Variants in LSS observed in about 807,000 individuals in gnomAD.
The protein encoded by LSS is 2,3-epoxysqualene-lanosterol cyclase.
In LSS, 90 loss-of-function variants were observed where a neutral mutation model predicts 110.3. The ratio of observed to expected loss-of-function variants is 0.82; its 90% confidence interval spans 0.69 to 0.97. The LOEUF (loss-of-function observed/expected upper bound fraction) is 0.97, where lower values mean the gene tolerates loss of function less well. LSS is among the 50% of genes least tolerant of loss of function. LSS has a pLI of 0.00. For missense variants in LSS, 927 were observed against 990.0 expected (o/e 0.94, Z 0.85); for synonymous variants, 433 against 400.0 (o/e 1.08, Z -0.98).
chr21:46,195,726 G>C lies in LSS; in HGVS notation c.1767C>G (p.Thr589=). 6 of 1,613,860 alleles carry C rather than the reference G, an allele frequency of 3.7e-6. No individual in the cohort carries two copies. The highest frequency in any genetic ancestry group is 5.1e-6 in the Non-Finnish European group (6 of 1,180,030). ...AGGCGAAGGCCTCCAGGCCAAACCA[G>C]GTGCCGTAGGTGAAGCAAACTCCCC... is the stretch of plus-strand genomic sequence containing the variant. ...GSWGVCFTYG[T]WFGLEAFACM... is the part of the protein sequence containing the mutation. The change falls in exon 19 of 22, where the codon ACC becomes ACG. Residue 589 remains threonine (T), a synonymous_variant. Transcript: ENST00000397728.
In LSS at chr21:46,215,144, A is replaced by C. The variant is rs768557020; in HGVS notation, c.1011+36T>G. 3 of 1,564,996 alleles carry C rather than the reference A, an allele frequency of 1.9e-6. No homozygotes were observed. In the African/African-American group the frequency reaches 4.1e-5, roughly 21 times the overall value. On this transcript the variant is annotated intron_variant, in intron 9 of 21. Transcript: ENST00000397728. ...ACTTCACTTTCGGACCTCAACCCCC[A>C]GGGGCTGCAGTCAGAGGCCGGGCAG... is the stretch of plus-strand genomic sequence containing the variant.
chr21:46,199,190 A>C (rs753795896), intron 17 of LSS, among the ~76,000 whole-genome samples: 13 of 152,248 alleles, frequency 8.5e-5, no homozygotes, highest in Non-Finnish European at 1.6e-4. Flanking sequence ...AACAATAAGA[A>C]AATTTAATTT....
chr21:46,228,002 C>T (rs970610400), intron 2 of LSS, among the ~76,000 whole-genome samples: 18 of 152,188 alleles, frequency 1.2e-4, no homozygotes, highest in Non-Finnish European at 1.6e-4. Context: ...GCCTGGGACT[C>T]GGGCCTCTCA....
intron 13 of LSS, among the ~76,000 whole-genome samples, chr21:46,208,719 C>T (rs1008821411): frequency 2.0e-5 from 3 of 152,116 alleles, no homozygotes; most frequent in Non-Finnish European, 2.9e-5. Flanking sequence ...CCTGGAGTGC[C>T]GTAGGGTTCA....
chr21:46,203,801 A>G (rs1208910192), intron 17 of LSS, among the ~76,000 whole-genome samples: 2 of 152,200 alleles, frequency 1.3e-5, no homozygotes, highest in African/African-American at 2.4e-5. Flanking sequence ...GAAGCAGCAT[A>G]CTCCCACATA....
chr21:46,194,571 G>C lies in LSS; in HGVS notation c.1908C>G (p.Cys636Trp), dbSNP rs770659135. The change falls in exon 20 of 22, where the codon TGC (cysteine) becomes TGG (tryptophan). Residue 636 changes from cysteine to tryptophan, a missense_variant. Cys to Trp is a radical substitution (Grantham distance 215, BLOSUM62 -2). Coordinates refer to ENST00000397728, the MANE Select transcript of LSS (RefSeq NM_002340.6). ...CACTCTGCAAATAACGCCGCTCCTC[G>C]CAGGACTCAAAGTCCTCCCCCCAGC... ...DGGWGEDFES[C>W]EERRYLQSAQ... 1.9e-6 allele frequency: 3 copies of C among 1,613,546 alleles called. No individual in the cohort carries two copies. The African/African-American group carries it at 4.0e-5, about 22-fold the overall frequency.
At chr21:46,196,358 G>A in intron 17 of LSS, 91 bp from the exon 18 acceptor site, 1 of 1,046,408 alleles carries the variant, frequency 9.6e-7, no homozygotes, top group South Asian at 1.3e-5. Flanking sequence ...AAAAGAATGA[G>A]AATGGTCTCC....
intron 17 of LSS, among the ~76,000 whole-genome samples, chr21:46,200,711 G>C (rs2079967710): frequency 6.6e-6 from 1 of 152,202 alleles, no homozygotes; most frequent in Non-Finnish European, 1.5e-5. Context: ...CATGTGCACA[G>C]TGAGAAGGGT....
intron 17 of LSS, among the ~76,000 whole-genome samples, chr21:46,201,463 G>C (rs111773777): frequency 4.6e-4 from 5 of 10,880 alleles, no homozygotes; most frequent in Non-Finnish European, 3.4e-4. Flanking sequence ...ATGAAGCCCT[G>C]AGGGTAGAGC....
At position 46,189,414 on chromosome 21, in the gene LSS, C is replaced by G. The variant is rs1454598934; in HGVS notation, c.*1690G>C. 1 of 321,996 alleles carries G rather than the reference C, an allele frequency of 3.1e-6. No homozygotes were observed. The highest frequency in any genetic ancestry group is 9.3e-5 in the East Asian group (1 of 10,788). The allele number at this position is 321,996 out of a possible 1,614,324, so 19.9% of individuals were successfully genotyped here. A position where few individuals can be genotyped will look rare whatever the true frequency, so the allele number is the denominator to read the frequency against. On this transcript the variant is annotated 3_prime_UTR_variant, in exon 22 of 22. Coordinates refer to ENST00000397728, the MANE Select transcript of LSS (RefSeq NM_002340.6). The stretch of plus-strand genomic sequence containing the variant: ...AAGGGTCCCAACACAGTTCCTTCAG[C>G]GAAAATAAAGCCCAGTTTTAAGATG...
chr21:46,214,017 T>C lies in LSS; in HGVS notation c.1012-182A>G, dbSNP rs1218846434. Reference sequence around the variant, plus strand: ...TGAGCGAGGATGGGCAACAACTGTGTCCCCAGGACCCAACTCAGACAGAGG... The same window carrying C: ...TGAGCGAGGATGGGCAACAACTGTGCCCCCAGGACCCAACTCAGACAGAGG... On this transcript the variant is annotated intron_variant, in intron 9 of 21. Coordinates refer to ENST00000397728, the MANE Select transcript of LSS (RefSeq NM_002340.6). Among the ~76,000 whole-genome samples, 3 of 152,260 alleles carry C rather than the reference T, an allele frequency of 2.0e-5. No individual in the cohort carries two copies. The East Asian group carries it at 5.8e-4, about 29-fold the overall frequency.
intron 17 of LSS, among the ~76,000 whole-genome samples, chr21:46,202,540 T>G (rs1291484649): frequency 6.6e-6 from 1 of 152,082 alleles, no homozygotes; most frequent in Non-Finnish European, 1.5e-5. Context: ...TGTAACATAA[T>G]ACACAAATAC....
intron 17 of LSS, among the ~76,000 whole-genome samples, chr21:46,196,909 G>A (rs1022575934): frequency 2.6e-5 from 4 of 152,208 alleles, no homozygotes; most frequent in Non-Finnish European, 2.9e-5. Flanking sequence ...GACGGTAGTC[G>A]GCAGCTTCCA....
intron 3 of LSS, among the ~76,000 whole-genome samples, chr21:46,223,872 A>G (rs1035776146): frequency 1.3e-5 from 2 of 152,296 alleles, no homozygotes; most frequent in Non-Finnish European, 1.5e-5. Flanking sequence ...ACGGTGGTCT[A>G]GCGGTAGCGA....
At chr21:46,215,828 G>A in intron 7 of LSS, 35 bp from the exon 8 acceptor site, 4 of 1,441,382 alleles carry the variant, frequency 2.8e-6, no homozygotes, top group Non-Finnish European at 3.9e-6. Flanking sequence ...TGGGGCCTGG[G>A]AGCACCTGGT....
intron 14 of LSS, 101 bp from the exon 15 acceptor site, chr21:46,207,678 G>A (rs919779499): frequency 9.3e-5 from 126 of 1,359,302 alleles, no homozygotes; most frequent in Non-Finnish European, 1.1e-4. Flanking sequence ...CAGAGCACCC[G>A]GTCAGGGCAG....
At chr21:46,210,482 C>G (rs985206971) in intron 12 of LSS, among the ~76,000 whole-genome samples, 1 of 152,128 alleles carries the variant, frequency 6.6e-6, no homozygotes, top group Non-Finnish European at 1.5e-5. Flanking sequence ...TCCCAAGGCC[C>G]CCGACCCAGC....
At chr21:46,220,063 C>T (rs1381645075) in intron 5 of LSS, among the ~76,000 whole-genome samples, 1 of 152,200 alleles carries the variant, frequency 6.6e-6, no homozygotes, top group Non-Finnish European at 1.5e-5. Flanking sequence ...CGACCCTAGA[C>T]TCCAGAGTAG....
intron 17 of LSS, among the ~76,000 whole-genome samples, chr21:46,204,622 C>CAAAA (rs771351927): frequency 7.2e-6 from 1 of 138,018 alleles, no homozygotes. Flanking sequence ...GAACCCATCT[C>CAAAA]AAAAAAAAAA....
Sources: gnomAD v4.1 joint callset for allele counts (sites outside exome capture counted in the v4.1 genomes callset) on GRCh38, gnomAD v4.1.1 for gene constraint, MANE v1.5 for transcripts, NCBI Gene and HGNC (gene_info 2026-07-23, HGNC 2026-07-21) for gene names.